NKPD1: variants seen among roughly 807,000 people sequenced by gnomAD.
NKPD1 encodes the protein NTPase KAP family P-loop domain containing 1.
NKPD1 carries 37 observed loss-of-function variants against 42.2 expected under a neutral mutation model. The ratio of observed to expected loss-of-function variants is 0.88; its 90% CI spans 0.67 to 1.15. The LOEUF (loss-of-function observed/expected upper bound fraction) is 1.15, where lower values mean the gene tolerates loss of function less well. Ranked by LOEUF, NKPD1 falls within the 50% of genes most tolerant of loss-of-function variation. The pLI is 0.00. For missense variants in NKPD1, 1,113 were observed against 1,174.6 expected, an observed-to-expected ratio of 0.95 and a Z score of 0.77; for synonymous variants, 552 against 536.5, an observed-to-expected ratio of 1.03 and a Z score of -0.40.
At position 45,153,176 on chromosome 19, in the gene NKPD1, C is replaced by A; in HGVS notation, c.1261G>T (p.Gly421Cys). Residue 421 changes from glycine (G) to cysteine (C), a missense_variant, in exon 5 of 5, where the codon GGC becomes TGC. Around this residue, in one of 3 missense-constraint regions of NKPD1, gnomAD observed 867 missense variants for 870.1 expected, o/e 1.00. Coordinates refer to ENST00000686631, the MANE Select transcript of NKPD1 (RefSeq NM_198478.4). ...TCGCACATGAAACCCAGCTGGCTGC[C>A]GAACTTTTCACGCGACACCAGCCGC... ...IERLVSREKF[G>C]SQLGFMCEVK... 6.3e-7 allele frequency: 1 copy of A among 1,582,712 alleles called. No individual in the cohort carries two copies. Among genetic ancestry groups the A allele is most frequent in the South Asian group, 1.1e-5 (1 of 87,074 alleles).
In NKPD1 at chr19:45,153,459, C is replaced by G. The variant is rs752568721; in HGVS notation, c.978G>C (p.Arg326Ser). 4.2e-5 allele frequency: 65 copies of G among 1,550,080 alleles called. No homozygotes were observed. The Admixed American group carries it at 1.3e-3, about 30-fold the overall frequency. The change falls in exon 5 of 5, where the codon AGG (arginine) becomes AGC (serine). Residue 326 changes from arginine to serine, a missense_variant. Coordinates refer to ENST00000686631, the MANE Select transcript of NKPD1 (RefSeq NM_198478.4). ...GCCACTCGCTCTGGCAGCAGTCCTGCCTGGTGGCCGGCTTGTTGCCCAGCA... is the reference window on the plus strand; with the variant it reads ...GCCACTCGCTCTGGCAGCAGTCCTGGCTGGTGGCCGGCTTGTTGCCCAGCA... Reference protein sequence around the residue: ...YSVLGNKPATRQDCCQSEWHC... With the variant: ...YSVLGNKPATSQDCCQSEWHC...
At chr19:45,160,855 G>A (rs982800250) in intron 1 of NKPD1, among the ~76,000 whole-genome samples, 70 bp downstream of exon 1, 4 of 152,044 alleles carry the variant, frequency 2.6e-5, no homozygotes, top group African/African-American at 9.7e-5. Context: ...GAGGGGCAGA[G>A]GAAACTGGGG....
In NKPD1 at chr19:45,155,780, C is replaced by G. The variant is rs984377031; in HGVS notation, c.661+5G>C. 1.5e-6 allele frequency: 2 copies of G among 1,301,266 alleles called. No homozygotes were observed. The highest frequency in any genetic ancestry group is 2.5e-5 in the South Asian group (2 of 80,936). The allele number at this position is 1,301,266 out of a possible 1,614,324, so 80.6% of individuals were successfully genotyped here. A position where few individuals can be genotyped will look rare whatever the true frequency, so the allele number is the denominator to read the frequency against. On this transcript the variant is annotated splice_donor_5th_base_variant and intron_variant, in intron 4 of 4. Coordinates refer to ENST00000686631, the MANE Select transcript of NKPD1 (RefSeq NM_198478.4). ...TCCCCCCAACAAACACACACAGCTC[C>G]TCACCCGTGATCTTGTCCAGCATCA...
rs772896011 is a variant in NKPD1, at chr19:45,152,107, G to A, written c.2330C>T (p.Pro777Leu). The change falls in exon 5 of 5, where the codon CCC becomes CTC. Residue 777 changes from proline to leucine, a missense_variant. Physicochemically the swap from Pro to Leu is moderately conservative, Grantham distance 98. Around this residue, in one of 3 missense-constraint regions of NKPD1, gnomAD observed 867 missense variants for 870.1 expected, o/e 1.00. Transcript: ENST00000686631. Reference sequence around the variant, plus strand: ...GCTGTTGGCCCGGTGGGCAGCGTGGGGGGTATCGCGGGTAGGGGACTTGGG... The same window carrying A: ...GCTGTTGGCCCGGTGGGCAGCGTGGAGGGTATCGCGGGTAGGGGACTTGGG... ...SPPKSPTRDT[P>L]HAAHRANSAS... 8 of 1,605,106 alleles carry A rather than the reference G, an allele frequency of 5.0e-6. No individual in the cohort carries two copies. Among genetic ancestry groups the A allele is most frequent in the Non-Finnish European group, 6.8e-6 (8 of 1,176,928 alleles).
In NKPD1 at chr19:45,152,842, A is replaced by C. The variant is rs1336417969; in HGVS notation, c.1595T>G (p.Met532Arg). Residue 532 changes from methionine (M) to arginine (R), a missense_variant, in exon 5 of 5, where the codon ATG (methionine) becomes AGG (arginine). By Grantham distance (91) the Met-to-Arg change is moderately conservative. Transcript: ENST00000686631. ...GAACTGCAGCTTGGTGCGGCGGCCC[A>C]TAATGGGCACAGAGAAGGGCAGCGT... ...TVTLPFSVPIMGRRTKLQFLH... is the reference protein window; with the variant it reads ...TVTLPFSVPIRGRRTKLQFLH... 2 of 1,594,524 alleles carry C rather than the reference A, an allele frequency of 1.3e-6. No individual in the cohort carries two copies. Among genetic ancestry groups the C allele is most frequent in the Admixed American group, 1.7e-5 (1 of 58,826 alleles).
In NKPD1 at chr19:45,156,148, C is replaced by T. The variant is rs73034826; in HGVS notation, c.530-232G>A. On this transcript the variant is annotated intron_variant, in intron 3 of 4. Transcript: ENST00000686631. ...TGAGGCTGGGAGGCTGGAATCCCCC[C>T]AGCCACACACCAGAGGCTGAGGCTG... is the stretch of plus-strand genomic sequence containing the variant. 4.6e-3 allele frequency among the ~76,000 whole-genome samples: 695 copies of T among 152,328 alleles called. 4 individuals carry two copies. Among genetic ancestry groups the T allele is most frequent in the Non-Finnish European group, 7.5e-3 (512 of 68,018 alleles).
upstream of NKPD1, among the ~76,000 whole-genome samples, chr19:45,161,827 G>A (rs1475457398): frequency 1.3e-5 from 2 of 152,210 alleles, no homozygotes; most frequent in Non-Finnish European, 2.9e-5. Flanking sequence ...GTCAACAGTT[G>A]CTTCCCTGAC....
At chr19:45,156,761 G>T (rs375010996) in intron 3 of NKPD1, among the ~76,000 whole-genome samples, 4 of 152,210 alleles carry the variant, frequency 2.6e-5, no homozygotes, top group Non-Finnish European at 4.4e-5. Context: ...GTCTTGGGGG[G>T]ACACATGGGG....
In NKPD1 at chr19:45,151,998, C is replaced by G; in HGVS notation, c.2439G>C (p.Lys813Asn). 6.2e-7 allele frequency: 1 copy of G among 1,609,628 alleles called. No homozygotes were observed. The highest frequency in any genetic ancestry group is 8.5e-7 in the Non-Finnish European group (1 of 1,178,050). ...AGAGCGCACAGGCCACCGGCCATAG[C>G]TTGCCCCTGTGGGCCAAGTCCCCAG... ...HHTGDLAHRGKLWPVACALFR... is the reference protein window; with the variant it reads ...HHTGDLAHRGNLWPVACALFR... Residue 813 changes from lysine to asparagine, a missense_variant, in exon 5 of 5, where the codon AAG (lysine) becomes AAC (asparagine). By Grantham distance (94) the Lys-to-Asn change is moderately conservative. Transcript: ENST00000686631.
intron 3 of NKPD1, among the ~76,000 whole-genome samples, chr19:45,157,139 G>C (rs940300344): frequency 6.6e-6 from 1 of 152,162 alleles, no homozygotes; most frequent in African/African-American, 2.4e-5. Flanking sequence ...CTGGATTTTT[G>C]CAATCTCCTG....
chr19:45,152,171 G>T lies in NKPD1; in HGVS notation c.2266C>A (p.Leu756Ile). 6.3e-7 allele frequency: 1 copy of T among 1,596,320 alleles called. No homozygotes were observed. ...TTGAGCGCGCTGACGGCTCGGATGA[G>T]ACCCATGCGCCGGCGGATGGAGTGG... ...LDHSIRRRMG[L>I]IRAVSALKPP... The change falls in exon 5 of 5, where the codon CTC becomes ATC. Residue 756 changes from leucine (L) to isoleucine (I), a missense_variant. Leu to Ile is a conservative substitution (Grantham distance 5). Coordinates refer to ENST00000686631, the MANE Select transcript of NKPD1 (RefSeq NM_198478.4).
At chr19:45,156,349 G>A (rs1188299430) in intron 3 of NKPD1, among the ~76,000 whole-genome samples, 1 of 152,174 alleles carries the variant, frequency 6.6e-6, no homozygotes, top group African/African-American at 2.4e-5. Flanking sequence ...TGCTGGCCCG[G>A]CCAGAGCATG....
rs74333887 is a variant in NKPD1, at chr19:45,157,140, C to G, written c.530-1224G>C. 4.1e-3 allele frequency among the ~76,000 whole-genome samples: 629 copies of G among 152,352 alleles called. 31 individuals carry two copies. The East Asian group carries it at 0.11, about 26-fold the overall frequency. ...GCCGCACCTCTCGCCTGGATTTTTG[C>G]AATCTCCTGCTCCCTCGGCCACCTG... is the stretch of plus-strand genomic sequence containing the variant. On this transcript the variant is annotated intron_variant, in intron 3 of 4. Transcript: ENST00000686631.
Position 45,152,946 on chromosome 19 carries a change from G to T in NKPD1, c.1491C>A (p.Ile497=). The part of the protein sequence containing the change: ...FIFILVVDPS[I]LAACLESAGN... The stretch of plus-strand genomic sequence containing the variant: ...CCGCGCTCTCTAGGCACGCGGCCAG[G>T]ATGCTGGGGTCCACGACCAGGATGA... The change falls in exon 5 of 5, where the codon ATC becomes ATA. Residue 497 remains isoleucine (I), a synonymous_variant. Transcript: ENST00000686631. 6.3e-7 allele frequency: 1 copy of T among 1,582,444 alleles called. No individual in the cohort carries two copies. Among genetic ancestry groups the T allele is most frequent in the Non-Finnish European group, 8.6e-7 (1 of 1,162,892 alleles).
intron 3 of NKPD1, among the ~76,000 whole-genome samples, chr19:45,156,380 C>G (rs1599723253): frequency 6.6e-6 from 1 of 152,228 alleles, no homozygotes; most frequent in Non-Finnish European, 1.5e-5. Flanking sequence ...GGGCCGCAGG[C>G]TCCTCCCACC....
intron 4 of NKPD1, among the ~76,000 whole-genome samples, chr19:45,155,319 A>G (rs1968882420): frequency 6.6e-6 from 1 of 151,226 alleles, no homozygotes; most frequent in Non-Finnish European, 1.5e-5. Context: ...TCCGTCTCAA[A>G]AAAAAAAAGC....
Position 45,155,920 on chromosome 19 carries a change from G to A in NKPD1, c.530-4C>T, listed in dbSNP as rs1459886745. The A allele has an allele frequency of 3.8e-6, 5 of 1,304,084 alleles. No individual in the cohort carries two copies. The highest frequency in any genetic ancestry group is 5.6e-5 in the East Asian group (1 of 18,004). The allele number at this position is 1,304,084 out of a possible 1,614,324, so 80.8% of individuals were successfully genotyped here. A position where few individuals can be genotyped will look rare whatever the true frequency, so the allele number is the denominator to read the frequency against. The stretch of plus-strand genomic sequence containing the variant: ...ACGTCATCCTCTGTCAGGATGTCTG[G>A]TGGTTGGGAGTGGGGACACTGAGTC... On this transcript the variant is annotated splice_region_variant and splice_polypyrimidine_tract_variant and intron_variant, in intron 3 of 4. Transcript: ENST00000686631.
chr19:45,158,448 C>T lies in NKPD1; in HGVS notation c.529+215G>A, dbSNP rs931724388. On this transcript the variant is annotated intron_variant, in intron 3 of 4. Coordinates refer to ENST00000686631, the MANE Select transcript of NKPD1 (RefSeq NM_198478.4). This position sits in a 1 kb window ranked among gnomAD's most constrained non-coding sequence, Gnocchi z 4.6. ...CACTGCCTGGCGCAGGATGGAGGCACGGGGCAGGCCTGGCCTGGAAGCCTT... is the reference window on the plus strand; with the variant it reads ...CACTGCCTGGCGCAGGATGGAGGCATGGGGCAGGCCTGGCCTGGAAGCCTT... Among the ~76,000 whole-genome samples the T allele has an allele frequency of 3.3e-5, 5 of 152,200 alleles. No homozygotes were observed. Among genetic ancestry groups the T allele is most frequent in the African/African-American group, 4.8e-5 (2 of 41,462 alleles).
rs758185240 is a variant in NKPD1 at position 45,153,029 on chromosome 19, C to G, written c.1408G>C (p.Val470Leu). Reference sequence around the variant, plus strand: ...GTGTTGATGGCGTTGAGCACGCCCACCACGCGCTCCGGGTAGCACGTGTCC... The same window carrying G: ...GTGTTGATGGCGTTGAGCACGCCCAGCACGCGCTCCGGGTAGCACGTGTCC... ...GLDTCYPERV[V>L]GVLNAINTLL... is the part of the protein sequence containing the mutation. Residue 470 changes from valine (V) to leucine (L), a missense_variant, in exon 5 of 5, where the codon GTG (valine) becomes CTG (leucine). Around this residue, in one of 3 missense-constraint regions of NKPD1, gnomAD observed 867 missense variants for 870.1 expected, o/e 1.00. Transcript: ENST00000686631. 1 of 1,583,238 alleles carries G rather than the reference C, an allele frequency of 6.3e-7. No homozygotes were observed. Among genetic ancestry groups the G allele is most frequent in the Admixed American group, 1.8e-5 (1 of 56,214 alleles).
Sources: allele counts gnomAD v4.1 joint callset (sites outside exome capture counted in the v4.1 genomes callset), GRCh38; gene constraint gnomAD v4.1.1; regional missense constraint gnomAD v4.1.1; non-coding constraint Gnocchi (gnomAD v3.1); transcripts MANE v1.5; gene names NCBI Gene and HGNC (gene_info 2026-07-23, HGNC 2026-07-21).